The following ACBD6 variants were observed in gnomAD, a reference collection of about 807,000 sequenced individuals.
ACBD6 encodes the protein acyl-CoA binding domain containing 6.
Under a neutral mutation model 37.2 loss-of-function variants are expected in ACBD6, and 28 were observed. That is an observed-to-expected ratio of 0.75 (90% confidence interval 0.56 to 1.03). The LOEUF is 1.03. Among genes scored for constraint, ACBD6 ranks in the 50% least tolerant of loss-of-function variants. The pLI, the probability that ACBD6 is intolerant of heterozygous loss-of-function variation, is 0.00. For synonymous variants in ACBD6, 113 were observed against 126.8 expected (o/e 0.89, Z 0.73); for missense variants, 340 against 337.4 (o/e 1.01, Z -0.06).
intron 6 of ACBD6, among the ~76,000 whole-genome samples, chr1:180,348,928 T>TC (rs1652294859): frequency 6.6e-6 from 1 of 152,188 alleles, no homozygotes; most frequent in Non-Finnish European, 1.5e-5. Flanking sequence ...ATAATTTTTT[T>TC]CTCTCAGGTT....
chr1:180,389,324 C>T (rs1288105476), intron 6 of ACBD6, among the ~76,000 whole-genome samples: 1 of 152,182 alleles, frequency 6.6e-6, no homozygotes, highest in Non-Finnish European at 1.5e-5. Context: ...CTACAAAGAA[C>T]ATGAATTCAT....
intron 6 of ACBD6, among the ~76,000 whole-genome samples, chr1:180,365,801 G>C (rs1052265944): frequency 1.3e-4 from 20 of 152,076 alleles, no homozygotes; most frequent in African/African-American, 4.6e-4. Flanking sequence ...ATTTAAATAT[G>C]CTCCATATTC....
chr1:180,430,103 A>AT, intron 4 of ACBD6, 77 bp downstream of exon 4: 1 of 1,236,572 alleles, frequency 8.1e-7, no homozygotes, highest in Non-Finnish European at 1.2e-6. Context: ...ATACACATAC[A>AT]TAAGCACATA....
intron 3 of ACBD6, among the ~76,000 whole-genome samples, chr1:180,465,320 C>T (rs556720257): frequency 1.3e-5 from 2 of 151,940 alleles, no homozygotes; most frequent in South Asian, 2.1e-4. Flanking sequence ...GATCAACAAG[C>T]GAAAAACCAC....
At chr1:180,422,416 C>G (rs373412858) in intron 4 of ACBD6, among the ~76,000 whole-genome samples, 2 of 151,918 alleles carry the variant, frequency 1.3e-5, no homozygotes, top group South Asian at 2.1e-4. Context: ...ATGTTGGCCA[C>G]GCTGGTCTCG....
intron 3 of ACBD6, among the ~76,000 whole-genome samples, chr1:180,471,728 C>T (rs1399306176): frequency 6.6e-6 from 1 of 152,156 alleles, no homozygotes; most frequent in Admixed American, 6.5e-5. Flanking sequence ...CCTCCCACAA[C>T]ACATGGGAAT....
intron 6 of ACBD6, among the ~76,000 whole-genome samples, chr1:180,368,933 TGA>T (rs1653152613): frequency 6.6e-6 from 1 of 152,094 alleles, no homozygotes; most frequent in Non-Finnish European, 1.5e-5. Flanking sequence ...CTGCACACAG[TGA>T]GGACTAGATT....
At chr1:180,385,620 C>T (rs941969308) in intron 6 of ACBD6, among the ~76,000 whole-genome samples, 1 of 151,618 alleles carries the variant, frequency 6.6e-6, no homozygotes, top group African/African-American at 2.4e-5. Flanking sequence ...GGTTCCCTTA[C>T]AAGAAGAGAG....
chr1:180,331,394 G>A (rs991270051), intron 6 of ACBD6, among the ~76,000 whole-genome samples: 3 of 152,012 alleles, frequency 2.0e-5, no homozygotes, highest in Non-Finnish European at 2.9e-5. Context: ...CATTCAGCAG[G>A]GGAAAATGTA....
chr1:180,410,991 G>A (rs1647831598), intron 5 of ACBD6, among the ~76,000 whole-genome samples: 1 of 152,170 alleles, frequency 6.6e-6, no homozygotes, highest in South Asian at 2.1e-4. Context: ...AACATTAACA[G>A]GAGTCTGGAA....
At chr1:180,442,665 C>T (rs1649326297) in intron 3 of ACBD6, among the ~76,000 whole-genome samples, 1 of 152,078 alleles carries the variant, frequency 6.6e-6, no homozygotes, top group African/African-American at 2.4e-5. Context: ...TCTTTTTATG[C>T]TCTGTGCTTC....
At chr1:180,454,554 A>G (rs1042526747) in intron 3 of ACBD6, among the ~76,000 whole-genome samples, 4 of 152,226 alleles carry the variant, frequency 2.6e-5, no homozygotes, top group Non-Finnish European at 5.9e-5. Flanking sequence ...GAGCTTCTGC[A>G]CAGCAAAAGA....
At chr1:180,332,972 GT>G (rs761675519) in intron 6 of ACBD6, among the ~76,000 whole-genome samples, 14 of 152,082 alleles carry the variant, frequency 9.2e-5, no homozygotes, top group Non-Finnish European at 1.9e-4. Context: ...TAGAATAGCA[GT>G]TCTTAAAACA....
At chr1:180,285,795 C>T (rs1326357645), downstream of ACBD6, among the ~76,000 whole-genome samples, 3 of 151,904 alleles carry the variant, frequency 2.0e-5, no homozygotes, top group Non-Finnish European at 4.4e-5. Flanking sequence ...AACCTTTTAG[C>T]TGGAAAATGC....
intron 3 of ACBD6, among the ~76,000 whole-genome samples, chr1:180,431,150 G>A (rs1435294839): frequency 1.3e-5 from 2 of 149,844 alleles, no homozygotes; most frequent in Non-Finnish European, 3.0e-5. Context: ...AGAGAAGTAC[G>A]AGTTTTGTTT....
At chr1:180,307,034 A>C (rs1445052172) in intron 7 of ACBD6, among the ~76,000 whole-genome samples, 1 of 152,234 alleles carries the variant, frequency 6.6e-6, no homozygotes, top group Non-Finnish European at 1.5e-5. Flanking sequence ...AAATCAGCAT[A>C]TCAAAGAGAT....
At chr1:180,335,497 A>T (rs1475638457) in intron 6 of ACBD6, among the ~76,000 whole-genome samples, 4 of 152,190 alleles carry the variant, frequency 2.6e-5, no homozygotes, top group Non-Finnish European at 5.9e-5. Flanking sequence ...GCTTTACAAC[A>T]GCTCCTGAAG....
At chr1:180,342,279 A>T (rs532633129) in intron 6 of ACBD6, among the ~76,000 whole-genome samples, 1 of 152,288 alleles carries the variant, frequency 6.6e-6, no homozygotes, top group South Asian at 2.1e-4. Context: ...TAGTAGAGAA[A>T]AGGATCAGTC....
chr1:180,467,763 T>G (rs2102052508), intron 3 of ACBD6, among the ~76,000 whole-genome samples: 1 of 152,320 alleles, frequency 6.6e-6, no homozygotes, highest in South Asian at 2.1e-4. Flanking sequence ...ATTCTTTTTA[T>G]TGCTGGATAG....
Sources: allele counts gnomAD v4.1 joint callset (sites outside exome capture counted in the v4.1 genomes callset), GRCh38; gene constraint gnomAD v4.1.1; transcripts MANE v1.5; gene names NCBI Gene and HGNC (gene_info 2026-07-23, HGNC 2026-07-21).